RNF180: variants seen among roughly 807,000 people sequenced by gnomAD.
The protein encoded by RNF180 is ring finger protein 180, also known as E3 ubiquitin-protein ligase RNF180.
RNF180 carries 38 observed loss-of-function variants against 59.2 expected under a neutral mutation model. The ratio of observed to expected loss-of-function variants is 0.64; its 90% CI spans 0.50 to 0.84. The LOEUF is 0.84. Among genes scored for constraint, RNF180 ranks in the 40% least tolerant of loss-of-function variants. RNF180 has a pLI of 0.00. For missense variants in RNF180, 705 were observed against 700.9 expected (o/e 1.01, Z -0.07); for synonymous variants, 262 against 240.3 (o/e 1.09, Z -0.84).
chr5:64,348,219 G>C (rs1409864481), intron 7 of RNF180, among the ~76,000 whole-genome samples: 2 of 151,900 alleles, frequency 1.3e-5, no homozygotes, highest in African/African-American at 4.8e-5. Flanking sequence ...TAATAGCAAA[G>C]AGAGAAAACA....
At chr5:64,256,641 C>T (rs1743984714) in intron 5 of RNF180, among the ~76,000 whole-genome samples, 1 of 152,138 alleles carries the variant, frequency 6.6e-6, no homozygotes, top group African/African-American at 2.4e-5. Context: ...AGCGTGATGC[C>T]TCCAGCTTTG....
At chr5:64,194,558 C>T (rs1751355900) in intron 1 of RNF180, among the ~76,000 whole-genome samples, 1 of 152,120 alleles carries the variant, frequency 6.6e-6, no homozygotes, top group Admixed American at 6.5e-5. Context: ...TTTCTAGTTC[C>T]AGATCCCTGA....
chr5:64,201,123 A>G (rs935951639), intron 2 of RNF180, among the ~76,000 whole-genome samples, 181 bp downstream of exon 2: 1 of 152,244 alleles, frequency 6.6e-6, no homozygotes, highest in Non-Finnish European at 1.5e-5. Flanking sequence ...TGGTATTCAA[A>G]AAGCATCCCC....
intron 5 of RNF180, among the ~76,000 whole-genome samples, chr5:64,293,611 TAAC>T (rs1742724762): frequency 6.6e-6 from 1 of 151,970 alleles, no homozygotes. Flanking sequence ...AGAATAATTT[TAAC>T]TACTGTATAA....
At chr5:64,186,299 T>C (rs1750872069) in intron 1 of RNF180, among the ~76,000 whole-genome samples, 1 of 152,124 alleles carries the variant, frequency 6.6e-6, no homozygotes, top group African/African-American at 2.4e-5. Context: ...AGACAAATAC[T>C]TATTATCAAC....
chr5:64,296,657 CA>C (rs57855322), intron 5 of RNF180, among the ~76,000 whole-genome samples: 15,947 of 141,730 alleles, frequency 0.11, 888 homozygotes, highest in South Asian at 0.18. Flanking sequence ...TTCCTAGGGT[CA>C]AAAAAAAAAA....
intron 1 of RNF180, among the ~76,000 whole-genome samples, chr5:64,171,614 T>A (rs1197158808): frequency 2.0e-5 from 3 of 152,172 alleles, no homozygotes; most frequent in Non-Finnish European, 4.4e-5. Context: ...TTTAAATAGC[T>A]TTTATAACTT....
intron 1 of RNF180, among the ~76,000 whole-genome samples, chr5:64,166,417 A>G (rs919954339): frequency 1.3e-5 from 2 of 152,048 alleles, no homozygotes; most frequent in Admixed American, 6.5e-5. Flanking sequence ...GCACGGTTCC[A>G]CTTTCCTTTG....
chr5:64,189,797 C>T (rs1400746740), intron 1 of RNF180, among the ~76,000 whole-genome samples: 1 of 152,142 alleles, frequency 6.6e-6, no homozygotes, highest in Non-Finnish European at 1.5e-5. Flanking sequence ...ATCCATAATA[C>T]TATGATGGGA....
At chr5:64,263,068 ATC>A (rs1013478789) in intron 5 of RNF180, among the ~76,000 whole-genome samples, 93 of 152,334 alleles carry the variant, frequency 6.1e-4, no homozygotes, top group African/African-American at 2.1e-3. Context: ...TAAAACTTCT[ATC>A]TCTGTGATAC....
In RNF180 at chr5:64,268,483, G is replaced by A. The variant is rs1744816148; in HGVS notation, c.1227+51087G>A. Among the ~76,000 whole-genome samples the A allele has an allele frequency of 2.0e-5, 3 of 151,946 alleles. No homozygotes were observed. The South Asian group carries it at 6.2e-4, about 32-fold the overall frequency. ...CTTAGGTAGAGAGAATTTGCATAGAGGGGCAAGAACCTACTTGTGTATGTA... is the reference window on the plus strand; with the variant it reads ...CTTAGGTAGAGAGAATTTGCATAGAAGGGCAAGAACCTACTTGTGTATGTA... On this transcript the variant is annotated intron_variant, in intron 5 of 7. Coordinates refer to ENST00000389100, the MANE Select transcript of RNF180 (RefSeq NM_001113561.2).
At chr5:64,297,521 C>A (rs1453167887) in intron 5 of RNF180, among the ~76,000 whole-genome samples, 2 of 151,722 alleles carry the variant, frequency 1.3e-5, no homozygotes. Flanking sequence ...TATATAAATT[C>A]ATGGGTTACA....
chr5:64,207,797 G>T (rs1752096127), intron 2 of RNF180, among the ~76,000 whole-genome samples: 1 of 151,988 alleles, frequency 6.6e-6, no homozygotes, highest in Non-Finnish European at 1.5e-5. Context: ...TAGAATTGTG[G>T]TTCCTTTACA....
chr5:64,297,468 G>C (rs976676046), intron 5 of RNF180, among the ~76,000 whole-genome samples: 2 of 151,490 alleles, frequency 1.3e-5, no homozygotes, highest in African/African-American at 4.8e-5. Flanking sequence ...TCTTTTTTTG[G>C]TATTTTGTTG....
chr5:64,269,527 C>T (rs1416552758), intron 5 of RNF180, among the ~76,000 whole-genome samples: 1 of 152,088 alleles, frequency 6.6e-6, no homozygotes, highest in African/African-American at 2.4e-5. Context: ...AAGTAAAAGC[C>T]TGAAAATTAT....
At chr5:64,356,332 G>A (rs1178535887) in intron 7 of RNF180, among the ~76,000 whole-genome samples, 1 of 151,686 alleles carries the variant, frequency 6.6e-6, no homozygotes, top group Non-Finnish European at 1.5e-5. Context: ...CCTACAGAAT[G>A]GAAGAAAATG....
At chr5:64,251,684 G>A (rs7736115) in intron 5 of RNF180, among the ~76,000 whole-genome samples, 51,259 of 152,006 alleles carry the variant, frequency 0.34, 9,637 homozygotes, top group African/African-American at 0.51. Flanking sequence ...CCCAGGTGAC[G>A]TTGCCTTATA....
At position 64,371,722 on chromosome 5, in the gene RNF180, A is replaced by G. The variant is rs765991489; in HGVS notation, c.*1908A>G. 6.6e-6 allele frequency: 1 copy of G among 151,678 alleles called. No homozygotes were observed. The highest frequency in any genetic ancestry group is 2.4e-5 in the African/African-American group (1 of 41,430). The allele number at this position is 151,678 out of a possible 1,614,324, so 9.4% of individuals were successfully genotyped here. A position where few individuals can be genotyped will look rare whatever the true frequency, so the allele number is the denominator to read the frequency against. ...AATAACTTGATCTGAAAATTATAGA[A>G]TATTAAAAGAAGTAAATTCATAAAA... On this transcript the variant is annotated 3_prime_UTR_variant, in exon 8 of 8. Transcript: ENST00000389100.
intron 1 of RNF180, among the ~76,000 whole-genome samples, chr5:64,167,880 T>A (rs1749735692): frequency 6.6e-6 from 1 of 152,194 alleles, no homozygotes; most frequent in Non-Finnish European, 1.5e-5. Flanking sequence ...CTTTCCTTCA[T>A]AGGGATATTT....
Sources: allele counts gnomAD v4.1 joint callset (sites outside exome capture counted in the v4.1 genomes callset), GRCh38; gene constraint gnomAD v4.1.1; transcripts MANE v1.5; gene names NCBI Gene and HGNC (gene_info 2026-07-23, HGNC 2026-07-21).